SIN3A: variants seen among roughly 807,000 people sequenced by gnomAD.
The protein encoded by SIN3A is paired amphipathic helix protein Sin3a.
A neutral mutation model predicts 146.1 loss-of-function variants in SIN3A; 14 were observed. The ratio of observed to expected loss-of-function variants is 0.10; its 90% CI spans 0.06 to 0.15. The LOEUF is 0.15. Ranked by LOEUF, SIN3A falls within the 10% of genes least tolerant of loss-of-function variation. SIN3A has a pLI of 1.00. For synonymous variants in SIN3A, 572 were observed against 572.0 expected (o/e 1.00, Z 0.00); for missense variants, 1,028 against 1,576.0 (o/e 0.65, Z 5.89).
chr15:75,445,735 A>G (rs1475413608), intron 1 of SIN3A, among the ~76,000 whole-genome samples: 1 of 148,482 alleles, frequency 6.7e-6, no homozygotes, highest in Non-Finnish European at 1.5e-5. Context: ...TGGGCAACAC[A>G]GTGAGACCTT....
chr15:75,388,939 T>C (rs2073144808), intron 16 of SIN3A: 1 of 152,084 alleles, frequency 6.6e-6, no homozygotes, highest in South Asian at 2.1e-4. Context: ...GTCCAAGAAG[T>C]AGAAATGTGA....
At chr15:75,392,033 A>G (rs141007051) in intron 15 of SIN3A, among the ~76,000 whole-genome samples, 157 of 152,334 alleles carry the variant, frequency 1.0e-3, no homozygotes, top group African/African-American at 3.7e-3. Flanking sequence ...CCAAGTGTCC[A>G]TGATCTAAGC....
chr15:75,372,060 G>A lies in SIN3A; in HGVS notation c.3741C>T (p.Thr1247=). 6.2e-7 allele frequency: 1 copy of A among 1,614,132 alleles called. No individual in the cohort carries two copies. The part of the protein sequence containing the change: ...EGLEGLVPCT[T]TCDTETLHFV... ...AATGCAGGGTCTCTGTATCACAGGT[G>A]GTGGTACAGGGCACCAGGCCCTCCA... Residue 1247 remains threonine (T), a synonymous_variant, in exon 21 of 21, where the codon ACC becomes ACT. Transcript: ENST00000394947.
intron 19 of SIN3A, among the ~76,000 whole-genome samples, chr15:75,378,201 T>G (rs2072900400): frequency 6.6e-6 from 1 of 152,156 alleles, no homozygotes; most frequent in African/African-American, 2.4e-5. Context: ...ACAAAATAAA[T>G]CAATGGATTT....
At chr15:75,438,321 C>T (rs2074141189) in intron 1 of SIN3A, among the ~76,000 whole-genome samples, 2 of 151,852 alleles carry the variant, frequency 1.3e-5, no homozygotes, top group Admixed American at 1.3e-4. Context: ...GCTGAGATCG[C>T]GCCACCGCAT....
intron 1 of SIN3A, 67 bp from the exon 2 acceptor site, chr15:75,430,475 A>T: frequency 1.6e-6 from 2 of 1,223,134 alleles, no homozygotes; most frequent in Non-Finnish European, 2.2e-6. Context: ...GCCACTTAGG[A>T]CCAGTCACCC....
At chr15:75,376,225 G>T in intron 19 of SIN3A, 1 of 255,028 alleles carries the variant, frequency 3.9e-6, no homozygotes, top group Non-Finnish European at 7.6e-6. Flanking sequence ...TATATATTTT[G>T]TCCTCAACTT....
At chr15:75,374,284 T>C (rs1319904167) in intron 20 of SIN3A, among the ~76,000 whole-genome samples, 2 of 152,042 alleles carry the variant, frequency 1.3e-5, no homozygotes, top group Non-Finnish European at 1.5e-5. Context: ...TCACTTGAGG[T>C]CAGGTTCGAG....
intron 9 of SIN3A, among the ~76,000 whole-genome samples, chr15:75,402,455 T>C (rs2141459827): frequency 6.6e-6 from 1 of 151,940 alleles, no homozygotes; most frequent in African/African-American, 2.4e-5. Flanking sequence ...GAGGCAGACG[T>C]TGCAGTGAGC....
At chr15:75,395,252 TTA>T (rs751256855) in intron 13 of SIN3A, among the ~76,000 whole-genome samples, 9 of 152,212 alleles carry the variant, frequency 5.9e-5, no homozygotes, top group Non-Finnish European at 8.8e-5. Context: ...ACTTGCACAG[TTA>T]TGTTCCTCTG....
chr15:75,410,474 A>G (rs1246853101), intron 6 of SIN3A, among the ~76,000 whole-genome samples, 188 bp from the exon 7 acceptor site: 2 of 152,042 alleles, frequency 1.3e-5, no homozygotes, highest in African/African-American at 4.8e-5. Context: ...GTGGATGACA[A>G]TTCCTTTCAA....
At chr15:75,414,379 A>C in intron 3 of SIN3A, 68 bp from the exon 4 acceptor site, 1 of 814,334 alleles carries the variant, frequency 1.2e-6, no homozygotes, top group Non-Finnish European at 1.8e-6. Context: ...AAAAAACAAA[A>C]ACAAATTATT....
At position 75,381,628 on chromosome 15, in the gene SIN3A, G is replaced by T. The variant is rs1242766764; in HGVS notation, c.3273C>A (p.Asp1091Glu). The T allele has an allele frequency of 6.2e-7, 1 of 1,613,606 alleles. No homozygotes were observed. The part of the protein sequence containing the change: ...LLDTEEENSD[D>E]PVEAERWSDY... ...TTGCTCATACCTCTGCTTCCACAGG[G>T]TCATCCGAATTCTCCTCTTCTGTGT... The change falls in exon 18 of 21, where the codon GAC becomes GAA. Residue 1091 changes from aspartate (D) to glutamate (E), a missense_variant. Around this residue, in one of 9 missense-constraint regions of SIN3A, gnomAD observed 488 missense variants for 690.2 expected, o/e 0.71. Coordinates refer to ENST00000394947, the MANE Select transcript of SIN3A (RefSeq NM_001145358.2).
intron 1 of SIN3A, among the ~76,000 whole-genome samples, chr15:75,442,298 C>T (rs778013934): frequency 4.0e-5 from 6 of 150,938 alleles, no homozygotes; most frequent in Non-Finnish European, 5.9e-5. Flanking sequence ...TACTATCATA[C>T]ATCTTTTTGG....
chr15:75,403,439 A>G (rs1381417107), intron 9 of SIN3A, among the ~76,000 whole-genome samples: 1 of 151,986 alleles, frequency 6.6e-6, no homozygotes, highest in Non-Finnish European at 1.5e-5. Context: ...TCAAAAAAAA[A>G]ATACCATAAT....
At chr15:75,393,978 T>G (rs1400615432) in intron 14 of SIN3A, among the ~76,000 whole-genome samples, 2 of 152,070 alleles carry the variant, frequency 1.3e-5, no homozygotes, top group Non-Finnish European at 2.9e-5. Flanking sequence ...TGGCTAATTT[T>G]TGTATTTTTA....
chr15:75,442,145 A>C (rs1365501978), intron 1 of SIN3A, among the ~76,000 whole-genome samples: 5 of 149,246 alleles, frequency 3.4e-5, no homozygotes, highest in African/African-American at 7.3e-5. Context: ...AAAAAAAAAA[A>C]AAAAAAAACT....
rs115271815 is a variant in SIN3A, at chr15:75,443,023, G to C, written c.-34+8400C>G. Among the ~76,000 whole-genome samples, 1,194 of 150,712 alleles carry C rather than the reference G, an allele frequency of 7.9e-3. 18 individuals are homozygous for C. Among genetic ancestry groups the C allele is most frequent in the African/African-American group, 0.027 (1,096 of 41,010 alleles). On this transcript the variant is annotated intron_variant, in intron 1 of 20. Coordinates refer to ENST00000394947, the MANE Select transcript of SIN3A (RefSeq NM_001145358.2). ...GGTGGAGACAGAATCTTGCTATGTT[G>C]CCCAGCCTGGTTTTGAAGTACTGGG...
At chr15:75,373,690 G>A (rs2072799172) in intron 20 of SIN3A, among the ~76,000 whole-genome samples, 2 of 150,414 alleles carry the variant, frequency 1.3e-5, no homozygotes, top group Non-Finnish European at 3.0e-5. Flanking sequence ...TGGGTGGGTT[G>A]TTTGAACCCT....
Sources: gnomAD v4.1 joint callset for allele counts (sites outside exome capture counted in the v4.1 genomes callset) on GRCh38, gnomAD v4.1.1 for gene constraint, gnomAD v4.1.1 regional missense constraint, MANE v1.5 for transcripts, NCBI Gene and HGNC (gene_info 2026-07-23, HGNC 2026-07-21) for gene names.